The following SLC18A1 variants were observed in gnomAD, a reference collection of about 807,000 sequenced individuals.
SLC18A1 encodes chromaffin granule amine transporter.
A neutral mutation model predicts 53.7 loss-of-function variants in SLC18A1; 69 were observed. That is an observed-to-expected ratio of 1.28 (90% CI 1.06 to 1.57). SLC18A1 has a LOEUF of 1.57. Among genes scored for constraint, SLC18A1 ranks in the 40% most tolerant of loss-of-function variants. The pLI, the probability that SLC18A1 is intolerant of heterozygous loss-of-function variation, is 0.00. For synonymous variants in SLC18A1, 320 were observed against 248.1 expected (o/e 1.29, Z -2.72); for missense variants, 932 against 668.1 (o/e 1.40, Z -4.35).
intron 3 of SLC18A1, 71 bp downstream of exon 3, chr8:20,179,050 A>T: frequency 6.6e-7 from 1 of 1,511,478 alleles, no homozygotes; most frequent in South Asian, 1.3e-5. Flanking sequence ...TTCCCTTCCA[A>T]CCCCCTTTCT....
intron 10 of SLC18A1, among the ~76,000 whole-genome samples, chr8:20,151,342 G>T (rs914823588): frequency 6.6e-6 from 1 of 151,860 alleles, no homozygotes; most frequent in African/African-American, 2.4e-5. Flanking sequence ...CTAATGAATG[G>T]CCCTGATGAG....
At chr8:20,150,877 G>C in intron 10 of SLC18A1, 133 bp from the exon 11 acceptor site, 1 of 768,298 alleles carries the variant, frequency 1.3e-6, no homozygotes. Context: ...ATGATCTGGG[G>C]ACCTTTGTGC....
intron 4 of SLC18A1, chr8:20,175,272 G>C (rs2072227392): frequency 6.6e-6 from 1 of 152,086 alleles, no homozygotes; most frequent in Non-Finnish European, 1.5e-5. Flanking sequence ...ATCTCATATT[G>C]TTCAAACACA....
In SLC18A1 at chr8:20,179,146, G is replaced by A. The variant is rs1042770556; in HGVS notation, c.463C>T (p.Pro155Ser). ...CTGTTGGTGAGAGGGCCCACGAATGGGTTGACCAGAAGTTGCATCACAGCC... is the reference window on the plus strand; with the variant it reads ...CTGTTGGTGAGAGGGCCCACGAATGAGTTGACCAGAAGTTGCATCACAGCC... ...SKAVMQLLVN[P>S]FVGPLTNRIG... The change falls in exon 3 of 16, where the codon CCA becomes TCA. Residue 155 changes from proline to serine, a missense_variant. Physicochemically the swap from Pro to Ser is moderately conservative, Grantham distance 74. Transcript: ENST00000276373. 1 of 1,613,402 alleles carries A rather than the reference G, an allele frequency of 6.2e-7. No individual in the cohort carries two copies.
In SLC18A1 at chr8:20,147,732, G is replaced by C. The variant is rs2071438669; in HGVS notation, c.1211-10C>G. The C allele has an allele frequency of 3.1e-6, 5 of 1,611,808 alleles. No homozygotes were observed. Among genetic ancestry groups the C allele is most frequent in the Non-Finnish European group, 4.2e-6 (5 of 1,179,322 alleles). On this transcript the variant is annotated splice_polypyrimidine_tract_variant and intron_variant, in intron 13 of 15. Coordinates refer to ENST00000276373, the MANE Select transcript of SLC18A1 (RefSeq NM_003053.4). Reference sequence around the variant, plus strand: ...GAAGAATCCACCATGCCTGTGGCCAGAGCAAACAGGACACAGTCAGCCCCA... The same window carrying C: ...GAAGAATCCACCATGCCTGTGGCCACAGCAAACAGGACACAGTCAGCCCCA...
intron 15 of SLC18A1, among the ~76,000 whole-genome samples, chr8:20,146,501 G>A (rs1030309096): frequency 2.6e-5 from 4 of 152,142 alleles, no homozygotes; most frequent in Non-Finnish European, 4.4e-5. Flanking sequence ...AGCAGCCTCT[G>A]TCGGTATCCC....
At chr8:20,158,565 C>T (rs2071739105) in intron 10 of SLC18A1, among the ~76,000 whole-genome samples, 1 of 152,034 alleles carries the variant, frequency 6.6e-6, no homozygotes, top group Non-Finnish European at 1.5e-5. Flanking sequence ...AAGGCAGTAC[C>T]CCCTTAGACC....
chr8:20,170,416 G>A (rs2072082999), intron 8 of SLC18A1, among the ~76,000 whole-genome samples: 1 of 152,180 alleles, frequency 6.6e-6, no homozygotes, highest in Non-Finnish European at 1.5e-5. Flanking sequence ...ATGATGAGGT[G>A]TTAGTGTCAT....
intron 10 of SLC18A1, among the ~76,000 whole-genome samples, chr8:20,151,672 AGT>A (rs1328112964): frequency 6.6e-6 from 1 of 152,216 alleles, no homozygotes; most frequent in East Asian, 1.9e-4. Context: ...AGTAGAGGGA[AGT>A]GTTCAGGAAA....
At chr8:20,148,611 G>T in intron 12 of SLC18A1, 1 of 495,784 alleles carries the variant, frequency 2.0e-6, no homozygotes, top group Non-Finnish European at 3.8e-6. Context: ...CTGTCAGGAA[G>T]CTTGTGAGAC....
intron 10 of SLC18A1, among the ~76,000 whole-genome samples, chr8:20,153,562 C>T (rs1162731687): frequency 6.6e-6 from 1 of 152,002 alleles, no homozygotes. Flanking sequence ...CCTGTAGTCC[C>T]AGCTACTCAG....
chr8:20,171,527 G>T, intron 6 of SLC18A1, 33 bp from the exon 7 acceptor site: 2 of 1,511,552 alleles, frequency 1.3e-6, no homozygotes, highest in South Asian at 2.2e-5. Context: ...GATTCCAGAG[G>T]TGAGGGTGAG....
intron 12 of SLC18A1, 39 bp downstream of exon 12, chr8:20,149,637 T>C (rs781707517): frequency 1.9e-6 from 3 of 1,543,314 alleles, no homozygotes; most frequent in South Asian, 1.1e-5. Context: ...TCTCTCGCTC[T>C]CTCTCTCCTT....
chr8:20,154,833 G>A (rs1379285701), intron 10 of SLC18A1, among the ~76,000 whole-genome samples: 13 of 152,186 alleles, frequency 8.5e-5, no homozygotes, highest in East Asian at 3.9e-4. Flanking sequence ...GCTTTCATTC[G>A]CCGTCCACCA....
chr8:20,166,037 G>C (rs79697347), intron 8 of SLC18A1, among the ~76,000 whole-genome samples: 1 of 151,838 alleles, frequency 6.6e-6, no homozygotes, highest in African/African-American at 2.4e-5. Flanking sequence ...ATTATTATTC[G>C]AAGTAAAGAA....
intron 10 of SLC18A1, among the ~76,000 whole-genome samples, chr8:20,161,414 A>G (rs2071827356): frequency 6.6e-6 from 1 of 152,252 alleles, no homozygotes; most frequent in South Asian, 2.1e-4. Context: ...ATACAGTATA[A>G]CAACTATTTA....
intron 4 of SLC18A1, among the ~76,000 whole-genome samples, chr8:20,177,515 G>A (rs2072280625): frequency 2.6e-5 from 4 of 152,156 alleles, no homozygotes; most frequent in Admixed American, 2.6e-4. Context: ...GGGAGGGATA[G>A]CATTAGGAGA....
chr8:20,160,406 C>G (rs2071796198), intron 10 of SLC18A1, among the ~76,000 whole-genome samples: 1 of 151,182 alleles, frequency 6.6e-6, no homozygotes. Flanking sequence ...TACATTTTAG[C>G]AGTATTTTGT....
intron 10 of SLC18A1, among the ~76,000 whole-genome samples, chr8:20,157,531 T>G (rs2128871333): frequency 6.6e-6 from 1 of 152,308 alleles, no homozygotes; most frequent in East Asian, 1.9e-4. Flanking sequence ...AATTACTCAG[T>G]GATATCCATT....
Sources: allele counts gnomAD v4.1 joint callset (sites outside exome capture counted in the v4.1 genomes callset), GRCh38; gene constraint gnomAD v4.1.1; transcripts MANE v1.5; gene names NCBI Gene and HGNC (gene_info 2026-07-23, HGNC 2026-07-21).